SEMA6D: variants seen among roughly 807,000 people sequenced by gnomAD.
The protein encoded by SEMA6D is semaphorin-6D.
Under a neutral mutation model 106.6 loss-of-function variants are expected in SEMA6D, and 35 were observed. That is an observed-to-expected ratio of 0.33 (90% CI 0.25 to 0.44). The LOEUF (loss-of-function observed/expected upper bound fraction) is 0.44. Ranked by LOEUF, SEMA6D falls within the 20% of genes least tolerant of loss-of-function variation. The probability of loss-of-function intolerance (pLI) is 1.00; values close to 1 mark genes in which losing one functional copy is unlikely to be tolerated. For missense variants in SEMA6D, 1,185 were observed against 1,345.9 expected, an observed-to-expected ratio of 0.88 and a Z score of 1.87; for synonymous variants, 499 against 487.7, an observed-to-expected ratio of 1.02 and a Z score of -0.31.
At chr15:47,302,574 ATG>A (rs758773101) in intron 1 of SEMA6D, among the ~76,000 whole-genome samples, 38 of 152,190 alleles carry the variant, frequency 2.5e-4, no homozygotes, top group Non-Finnish European at 4.4e-4. Flanking sequence ...GGGTGGGTCC[ATG>A]TAATTTTAAG....
chr15:47,571,419 T>G (rs950430997), intron 3 of SEMA6D, among the ~76,000 whole-genome samples: 2 of 152,232 alleles, frequency 1.3e-5, no homozygotes, highest in African/African-American at 4.8e-5. Context: ...TGCTGTCTGA[T>G]TAGAGCATTC....
intron 1 of SEMA6D, among the ~76,000 whole-genome samples, chr15:47,188,765 G>C (rs984418419): frequency 1.3e-5 from 2 of 152,122 alleles, no homozygotes; most frequent in African/African-American, 4.8e-5. Context: ...TAAGTGTTTA[G>C]AAGTACAATC....
chr15:47,213,492 GT>G (rs1168441729), intron 1 of SEMA6D, among the ~76,000 whole-genome samples: 1 of 152,172 alleles, frequency 6.6e-6, no homozygotes, highest in East Asian at 1.9e-4. Context: ...TGAGGAGTGG[GT>G]GGATGATTCT....
intron 3 of SEMA6D, among the ~76,000 whole-genome samples, chr15:47,583,524 G>A (rs1304753161): frequency 1.3e-5 from 2 of 152,152 alleles, no homozygotes; most frequent in Non-Finnish European, 2.9e-5. Context: ...CCAACAGGCG[G>A]TCTCCAGGAG....
At chr15:47,369,961 T>C (rs1408816187) in intron 1 of SEMA6D, among the ~76,000 whole-genome samples, 1 of 152,238 alleles carries the variant, frequency 6.6e-6, no homozygotes, top group East Asian at 1.9e-4. Context: ...AGAGATGCTC[T>C]TATTATCCCC....
intron 4 of SEMA6D, among the ~76,000 whole-genome samples, chr15:47,667,876 T>G (rs950732307): frequency 6.6e-6 from 1 of 152,186 alleles, no homozygotes; most frequent in African/African-American, 2.4e-5. Flanking sequence ...CTTCGTAAAC[T>G]GGAGCACTGA....
intron 1 of SEMA6D, among the ~76,000 whole-genome samples, chr15:47,367,027 C>T (rs1308602683): frequency 6.6e-6 from 1 of 152,190 alleles, no homozygotes; most frequent in East Asian, 1.9e-4. Flanking sequence ...CATGACTCAT[C>T]TCTTAAGGTT....
chr15:47,538,075 A>G (rs1165612218), intron 3 of SEMA6D, among the ~76,000 whole-genome samples: 1 of 152,184 alleles, frequency 6.6e-6, no homozygotes, highest in Admixed American at 6.5e-5. Flanking sequence ...GCTTGAGAGC[A>G]TTACACAGAA....
At chr15:47,543,184 T>C (rs1176110876) in intron 3 of SEMA6D, among the ~76,000 whole-genome samples, 1 of 152,154 alleles carries the variant, frequency 6.6e-6, no homozygotes, top group Non-Finnish European at 1.5e-5. Context: ...GTAAAGACTT[T>C]ATGGCTCATG....
At chr15:47,420,992 A>G (rs922542330) in intron 2 of SEMA6D, among the ~76,000 whole-genome samples, 7 of 152,176 alleles carry the variant, frequency 4.6e-5, no homozygotes, top group African/African-American at 1.7e-4. Context: ...TTCTCTTCTT[A>G]TCTTACAATG....
At chr15:47,529,696 C>T (rs2044888443) in intron 3 of SEMA6D, among the ~76,000 whole-genome samples, 1 of 151,630 alleles carries the variant, frequency 6.6e-6, no homozygotes, top group Non-Finnish European at 1.5e-5. Context: ...AGTGATGGCT[C>T]CACTAGCCCT....
chr15:47,213,050 G>C (rs1238607234), intron 1 of SEMA6D, among the ~76,000 whole-genome samples: 1 of 136,222 alleles, frequency 7.3e-6, no homozygotes, highest in African/African-American at 2.8e-5. Flanking sequence ...CGCTATCCAA[G>C]AGAACTTTCT....
intron 18 of SEMA6D, 87 bp downstream of exon 18, chr15:47,768,835 G>T: frequency 7.6e-7 from 1 of 1,310,218 alleles, no homozygotes; most frequent in Middle Eastern, 2.0e-4. Flanking sequence ...TCCAGAGGTG[G>T]GCCTCACAGG....
At chr15:47,207,193 A>G (rs930472195) in intron 1 of SEMA6D, among the ~76,000 whole-genome samples, 3 of 152,190 alleles carry the variant, frequency 2.0e-5, no homozygotes, top group African/African-American at 7.2e-5. Context: ...TTTAATTAAT[A>G]TGATGAAATG....
intron 1 of SEMA6D, among the ~76,000 whole-genome samples, chr15:47,368,444 G>A (rs1486766407): frequency 6.6e-6 from 1 of 151,412 alleles, no homozygotes; most frequent in Non-Finnish European, 1.5e-5. Context: ...TTTTCACAGA[G>A]GGCAAGAAAA....
At chr15:47,340,250 T>C (rs1273045193) in intron 1 of SEMA6D, among the ~76,000 whole-genome samples, 1 of 151,940 alleles carries the variant, frequency 6.6e-6, no homozygotes, top group African/African-American at 2.4e-5. Flanking sequence ...AGATGTTGTC[T>C]GGAAATTGAG....
chr15:47,280,488 T>A (rs1211531040), intron 1 of SEMA6D, among the ~76,000 whole-genome samples: 1 of 141,926 alleles, frequency 7.0e-6, no homozygotes, highest in Non-Finnish European at 1.5e-5. Context: ...GCTCCTGGAT[T>A]CATTAATTTT....
intron 4 of SEMA6D, among the ~76,000 whole-genome samples, chr15:47,678,563 T>A (rs1329377013): frequency 1.3e-5 from 2 of 152,064 alleles, no homozygotes; most frequent in Non-Finnish European, 2.9e-5. Context: ...CCCATTCGAG[T>A]TGAGAGACTT....
At chr15:47,752,130 A>C (rs931298402) in intron 1 of SEMA6D, among the ~76,000 whole-genome samples, 1 of 152,216 alleles carries the variant, frequency 6.6e-6, no homozygotes, top group African/African-American at 2.4e-5. Flanking sequence ...TCCCAGGAGT[A>C]ATAGAAGGTT....
Sources: gnomAD v4.1 joint callset for allele counts (sites outside exome capture counted in the v4.1 genomes callset) on GRCh38, gnomAD v4.1.1 for gene constraint, MANE v1.5 for transcripts, NCBI Gene and HGNC (gene_info 2026-07-23, HGNC 2026-07-21) for gene names.